Variants in PRKCH observed in about 807,000 individuals in gnomAD.
PRKCH encodes the protein protein kinase C eta, also known as protein kinase C eta type.
PRKCH carries 28 observed loss-of-function variants against 82.5 expected under a neutral mutation model. That is an observed-to-expected ratio of 0.34 (90% CI 0.25 to 0.47). The LOEUF (loss-of-function observed/expected upper bound fraction) is 0.47. Among genes scored for constraint, PRKCH ranks in the 20% least tolerant of loss-of-function variants. The pLI is 1.00. For missense variants in PRKCH, 705 were observed against 881.8 expected, an observed-to-expected ratio of 0.80 and a Z score of 2.54; for synonymous variants, 322 against 327.4, an observed-to-expected ratio of 0.98 and a Z score of 0.18.
intron 1 of PRKCH, chr14:61,303,146 T>G (rs2045460728): frequency 6.6e-6 from 1 of 151,630 alleles, no homozygotes; most frequent in Admixed American, 6.6e-5. Flanking sequence ...GCCTCTCGAG[T>G]AGCTACAGAT....
At chr14:61,320,795 G>A (rs1382289398), upstream of PRKCH, among the ~76,000 whole-genome samples, 2 of 152,200 alleles carry the variant, frequency 1.3e-5, no homozygotes, top group East Asian at 1.9e-4. Flanking sequence ...AATACAACAA[G>A]CTGGAGTGTT....
chr14:61,477,965 T>C (rs1012412021), intron 9 of PRKCH, among the ~76,000 whole-genome samples: 4 of 152,182 alleles, frequency 2.6e-5, no homozygotes, highest in African/African-American at 9.7e-5. Flanking sequence ...TGGAGGTCTG[T>C]GAAGGAGGCC....
At position 61,427,799 on chromosome 14, in the gene PRKCH, C is replaced by T. The variant is rs966356135; in HGVS notation, c.428-15312C>T. 4.6e-5 allele frequency among the ~76,000 whole-genome samples: 7 copies of T among 151,696 alleles called. No homozygotes were observed. In the South Asian group the frequency reaches 6.3e-4, roughly 14 times the overall value. ...CAGGGTTTCATCATGTTACCCAGGC[C>T]GGTCTCAAACTCCTGGGCTCAAGTG... On this transcript the variant is annotated intron_variant, in intron 2 of 13. Transcript: ENST00000332981.
intron 2 of PRKCH, among the ~76,000 whole-genome samples, chr14:61,398,448 T>A (rs776715767): frequency 3.3e-5 from 5 of 151,954 alleles, no homozygotes; most frequent in Non-Finnish European, 5.9e-5. Context: ...TGGATTATTA[T>A]GCTACTAAGA....
At chr14:61,192,998 T>G (rs2044416600) in intron 1 of PRKCH, among the ~76,000 whole-genome samples, 1 of 152,220 alleles carries the variant, frequency 6.6e-6, no homozygotes, top group African/African-American at 2.4e-5. Context: ...TTCTAGGATC[T>G]GCAGACCACA....
intron 9 of PRKCH, among the ~76,000 whole-genome samples, chr14:61,476,687 C>T (rs1464188714): frequency 1.3e-5 from 2 of 152,124 alleles, no homozygotes; most frequent in African/African-American, 4.8e-5. Context: ...AGCTGTGTGT[C>T]CCTCTAGGTT....
At chr14:61,465,483 C>T (rs1885215301) in intron 9 of PRKCH, among the ~76,000 whole-genome samples, 1 of 152,082 alleles carries the variant, frequency 6.6e-6, no homozygotes, top group Non-Finnish European at 1.5e-5. Context: ...AAGGGACAGT[C>T]CTTTCTTTGT....
In PRKCH at chr14:61,280,900, C is replaced by A. The variant is rs768296722; in HGVS notation, c.-19+93232C>A. 3.2e-6 allele frequency: 5 copies of A among 1,546,990 alleles called. No homozygotes were observed. The African/African-American group carries it at 5.5e-5, about 17-fold the overall frequency. On this transcript the variant is annotated intron_variant, in intron 1 of 3. Transcript: ENST00000555185. The surrounding 1 kb of genome is among the most constrained non-coding windows in gnomAD (Gnocchi z 5.0). ...GGGGGGCGGCAGCGCCCGGCCCTGG[C>A]CAGCCGCGGCGCACACCGAGCAGTT...
At chr14:61,226,441 G>A (rs1157263594) in intron 1 of PRKCH, among the ~76,000 whole-genome samples, 3 of 152,200 alleles carry the variant, frequency 2.0e-5, no homozygotes, top group Non-Finnish European at 2.9e-5. Flanking sequence ...GAAAGTATGT[G>A]TGGGATGTTG....
intron 3 of PRKCH, among the ~76,000 whole-genome samples, chr14:61,445,430 A>G (rs1196489103): frequency 6.6e-6 from 1 of 152,250 alleles, no homozygotes. Context: ...CTGAGGACTT[A>G]GGAAATTGCC....
At chr14:61,437,296 A>T (rs930717519) in intron 2 of PRKCH, among the ~76,000 whole-genome samples, 2 of 152,176 alleles carry the variant, frequency 1.3e-5, no homozygotes, top group African/African-American at 4.8e-5. Context: ...TGATGATGTT[A>T]AGCAAAATTC....
chr14:61,399,995 C>A (rs1594664212), intron 2 of PRKCH, among the ~76,000 whole-genome samples: 1 of 152,166 alleles, frequency 6.6e-6, no homozygotes, highest in South Asian at 2.1e-4. Context: ...CCTGGGGAGA[C>A]AATGGAAAGG....
chr14:61,189,500 T>TTCTC (rs1459991166), intron 1 of PRKCH, among the ~76,000 whole-genome samples: 1 of 134,566 alleles, frequency 7.4e-6, no homozygotes, highest in African/African-American at 2.9e-5. Flanking sequence ...CACTGAAATG[T>TTCTC]TATCTCTCTC....
intron 1 of PRKCH, among the ~76,000 whole-genome samples, chr14:61,211,217 G>A (rs1451716735): frequency 6.6e-6 from 1 of 152,196 alleles, no homozygotes; most frequent in Non-Finnish European, 1.5e-5. Context: ...AGAGCTCGAG[G>A]AACTGTGGGT....
chr14:61,403,192 T>A (rs1384098078), intron 2 of PRKCH, among the ~76,000 whole-genome samples: 2 of 152,228 alleles, frequency 1.3e-5, no homozygotes, highest in East Asian at 3.8e-4. Flanking sequence ...TAATAAATGA[T>A]AAATATTTTT....
chr14:61,343,351 C>CA (rs57154047), intron 1 of PRKCH, among the ~76,000 whole-genome samples: 7,670 of 87,086 alleles, frequency 0.088, 271 homozygotes, highest in African/African-American at 0.16. Context: ...CCAGTTCCCT[C>CA]AAAAAAAAAA....
chr14:61,292,952 T>G (rs1460632204), intron 1 of PRKCH, among the ~76,000 whole-genome samples: 1 of 151,770 alleles, frequency 6.6e-6, no homozygotes, highest in Non-Finnish European at 1.5e-5. Flanking sequence ...AAGAAGGGAT[T>G]TTCCCTGTCT....
intron 1 of PRKCH, among the ~76,000 whole-genome samples, chr14:61,327,860 T>G (rs1594915997): frequency 1.3e-5 from 2 of 152,230 alleles, no homozygotes; most frequent in East Asian, 3.8e-4. Flanking sequence ...CATCTTTCCA[T>G]CTTTCTAAAA....
intron 10 of PRKCH, among the ~76,000 whole-genome samples, chr14:61,504,451 A>G (rs1887052222): frequency 6.6e-6 from 1 of 152,124 alleles, no homozygotes; most frequent in Non-Finnish European, 1.5e-5. Flanking sequence ...CGGCCTCCCA[A>G]AGTGCTGGGA....
Sources: gnomAD v4.1 joint callset for allele counts (sites outside exome capture counted in the v4.1 genomes callset) on GRCh38, gnomAD v4.1.1 for gene constraint, Gnocchi (gnomAD v3.1) non-coding constraint, MANE v1.5 for transcripts, NCBI Gene and HGNC (gene_info 2026-07-23, HGNC 2026-07-21) for gene names.